Variants in HACL1 observed in about 807,000 individuals in gnomAD.
HACL1 encodes the protein 1600020H07Rik.
HACL1 carries 64 observed loss-of-function variants against 74.2 expected under a neutral mutation model. That is an observed-to-expected ratio of 0.86 (90% CI 0.70 to 1.06). The LOEUF (loss-of-function observed/expected upper bound fraction) is 1.06. Ranked by LOEUF, HACL1 falls within the 50% of genes least tolerant of loss-of-function variation. The probability of loss-of-function intolerance (pLI) is 0.00; values close to 1 mark genes in which losing one functional copy is unlikely to be tolerated. For synonymous variants in HACL1, 230 were observed against 238.8 expected (o/e 0.96, Z 0.34); for missense variants, 728 against 719.7 (o/e 1.01, Z -0.13).
chr3:15,581,355 T>C (rs776661821), intron 8 of HACL1, among the ~76,000 whole-genome samples: 2 of 152,248 alleles, frequency 1.3e-5, no homozygotes, highest in Non-Finnish European at 2.9e-5. Context: ...TTTTCAAGGC[T>C]AGTATATTAT....
chr3:15,584,356 G>A (rs751939611), intron 7 of HACL1, among the ~76,000 whole-genome samples: 6 of 152,126 alleles, frequency 3.9e-5, no homozygotes, highest in Non-Finnish European at 8.8e-5. Flanking sequence ...TTGTGAGGCC[G>A]AGGTTGGTGG....
At chr3:15,598,978 A>G (rs2064125453) in intron 2 of HACL1, among the ~76,000 whole-genome samples, 1 of 152,234 alleles carries the variant, frequency 6.6e-6, no homozygotes, top group Non-Finnish European at 1.5e-5. Flanking sequence ...CTACACAATC[A>G]ATCAAGTAAG....
At chr3:15,591,086 G>GA (rs1553644504) in intron 4 of HACL1, among the ~76,000 whole-genome samples, 2 of 152,038 alleles carry the variant, frequency 1.3e-5, no homozygotes, top group Non-Finnish European at 2.9e-5. Context: ...CTCAAAAAAA[G>GA]AAAGTGTTTA....
chr3:15,560,982 T>G, intron 16 of HACL1, 85 bp from the exon 17 acceptor site: 1 of 1,057,090 alleles, frequency 9.5e-7, no homozygotes, highest in Non-Finnish European at 1.5e-6. Context: ...TTCTAAAACC[T>G]AAAAGTCCTA....
chr3:15,583,694 G>A (rs940778871), intron 7 of HACL1, among the ~76,000 whole-genome samples: 2 of 137,842 alleles, frequency 1.5e-5, no homozygotes, highest in African/African-American at 5.6e-5. Context: ...GTCTTACTCT[G>A]TCACCCAGGC....
At chr3:15,596,302 T>G (rs2064062342) in intron 3 of HACL1, 82 bp downstream of exon 3, 1 of 757,148 alleles carries the variant, frequency 1.3e-6, no homozygotes. Context: ...TCTTTCCAAA[T>G]GAACTCATCC....
chr3:15,592,340 C>A (rs11128748), intron 3 of HACL1, among the ~76,000 whole-genome samples: 146,394 of 146,418 alleles, frequency 1, 73,185 homozygotes, highest in Middle Eastern at 1. Flanking sequence ...ACTCTGGGCA[C>A]CAGAGTATAC....
Position 15,585,269 on chromosome 3 carries a change from T to C in HACL1, c.533A>G (p.Gln178Arg), listed in dbSNP as rs1326916962. 6.3e-7 allele frequency: 1 copy of C among 1,579,652 alleles called. No individual in the cohort carries two copies. The highest frequency in any genetic ancestry group is 1.7e-5 in the Admixed American group (1 of 59,966). ...VDIPADFVNL[Q>R]VNVNSIKYME... ...TCACTTTATAGAATTCACATTCACC[T>C]GAAGGTTCACAAAATCTGCTGGTAT... Residue 178 changes from glutamine (Q) to arginine (R), a missense_variant, in exon 7 of 17, where the codon CAG becomes CGG. By Grantham distance (43) the Gln-to-Arg change is conservative (BLOSUM62 1). Transcript: ENST00000321169.
intron 9 of HACL1, among the ~76,000 whole-genome samples, chr3:15,575,702 T>A (rs2063613372): frequency 6.6e-6 from 1 of 152,108 alleles, no homozygotes. Flanking sequence ...CCACTGCACC[T>A]GACTAATTTT....
At chr3:15,594,389 C>A (rs1426903072) in intron 3 of HACL1, among the ~76,000 whole-genome samples, 1 of 152,150 alleles carries the variant, frequency 6.6e-6, no homozygotes, top group African/African-American at 2.4e-5. Flanking sequence ...ATGGAGACGA[C>A]AGAGTGAGAC....
Position 15,576,524 on chromosome 3 carries a change from T to A in HACL1, c.804-1442A>T, listed in dbSNP as rs1377269457. Among the ~76,000 whole-genome samples the A allele has an allele frequency of 2.0e-5, 3 of 152,228 alleles. No individual in the cohort carries two copies. The East Asian group carries it at 5.8e-4, about 29-fold the overall frequency. On this transcript the variant is annotated intron_variant, in intron 9 of 16. Coordinates refer to ENST00000321169, the MANE Select transcript of HACL1 (RefSeq NM_012260.4). ...TAAACAACCACCCTTGCTTTCTTTT[T>A]CTTTACTTCACATATCTTTGCCCAG...
chr3:15,567,927 A>G lies in HACL1; in HGVS notation c.1326T>C (p.Asp442=). The G allele has an allele frequency of 1.2e-6, 2 of 1,614,108 alleles. No homozygotes were observed. Among genetic ancestry groups the G allele is most frequent in the Non-Finnish European group, 1.7e-6 (2 of 1,179,900 alleles). The change falls in exon 14 of 17, where the codon GAT becomes GAC. Residue 442 remains aspartate, a synonymous_variant. Coordinates refer to ENST00000321169, the MANE Select transcript of HACL1 (RefSeq NM_012260.4). ...FAIAAAVVAK[D]RSPGQWIICV... The stretch of plus-strand genomic sequence containing the variant: ...AGATGATCCATTGCCCAGGGCTTCT[A>G]TCTTTAGCCACCACGGCAGCTGCAA...
At chr3:15,568,316 T>C in intron 13 of HACL1, 116 bp downstream of exon 13, 1 of 702,582 alleles carries the variant, frequency 1.4e-6, no homozygotes, top group South Asian at 2.0e-5. Context: ...ATGAAATATG[T>C]CCTTACATAC....
intron 14 of HACL1, 113 bp downstream of exon 14, chr3:15,567,731 G>A (rs2125231097): frequency 2.1e-6 from 2 of 947,268 alleles, no homozygotes; most frequent in Admixed American, 1.8e-5. Flanking sequence ...ACACAGTGCT[G>A]TGCACAGGGC....
At chr3:15,580,714 A>C (rs1268884103) in intron 8 of HACL1, among the ~76,000 whole-genome samples, 5 of 152,210 alleles carry the variant, frequency 3.3e-5, no homozygotes, top group Non-Finnish European at 7.3e-5. Flanking sequence ...TGTTGCCCTG[A>C]AAGAGAAAGG....
At chr3:15,600,906 T>A (rs547888074) in intron 2 of HACL1, 184 bp downstream of exon 2, 8 of 618,138 alleles carry the variant, frequency 1.3e-5, no homozygotes, top group South Asian at 1.3e-4. Flanking sequence ...CAAGTTTTAC[T>A]TAACCTGTGT....
intron 5 of HACL1, among the ~76,000 whole-genome samples, chr3:15,588,164 G>T (rs2063825469): frequency 6.6e-6 from 1 of 152,178 alleles, no homozygotes; most frequent in Non-Finnish European, 1.5e-5. Context: ...AAAGTGCTGT[G>T]ATTACAGGGG....
intron 1 of HACL1, 28 bp downstream of exon 1, chr3:15,601,355 C>G: frequency 1.9e-6 from 3 of 1,613,544 alleles, no homozygotes; most frequent in Non-Finnish European, 2.5e-6. Flanking sequence ...TCCGTAGGAG[C>G]CTTTCATTCC....
At chr3:15,580,154 GACTC>G in intron 8 of HACL1, 109 bp from the exon 9 acceptor site, 2 of 863,778 alleles carry the variant, frequency 2.3e-6, no homozygotes, top group African/African-American at 1.7e-5. Flanking sequence ...TTGAGACAGG[GACTC>G]ACTCTATCAC....
Sources: gnomAD v4.1 joint callset for allele counts (sites outside exome capture counted in the v4.1 genomes callset) on GRCh38, gnomAD v4.1.1 for gene constraint, MANE v1.5 for transcripts, NCBI Gene and HGNC (gene_info 2026-07-23, HGNC 2026-07-21) for gene names.